GRIK3: variants seen among roughly 807,000 people sequenced by gnomAD.
The protein encoded by GRIK3 is glutamate receptor ionotropic, kainate 3.
In GRIK3, 29 loss-of-function variants were observed where a neutral mutation model predicts 102.5. That is an observed-to-expected ratio of 0.28 (90% CI 0.21 to 0.39). The LOEUF is 0.39. GRIK3 is among the 10% of genes least tolerant of loss of function. The pLI, the probability that GRIK3 is intolerant of heterozygous loss-of-function variation, is 1.00. For missense variants in GRIK3, 908 were observed against 1,252.4 expected, an observed-to-expected ratio of 0.73 and a Z score of 4.15; for synonymous variants, 511 against 504.9, an observed-to-expected ratio of 1.01 and a Z score of -0.16.
chr1:37,014,751 T>C (rs1241033258), intron 1 of GRIK3, among the ~76,000 whole-genome samples: 2 of 152,168 alleles, frequency 1.3e-5, no homozygotes, highest in Non-Finnish European at 2.9e-5. Flanking sequence ...ACACCTGCCA[T>C]TTTGACCGTG....
chr1:36,918,516 A>ACAT (rs1354266565), intron 1 of GRIK3, among the ~76,000 whole-genome samples: 1 of 151,610 alleles, frequency 6.6e-6, no homozygotes, highest in Non-Finnish European at 1.5e-5. Flanking sequence ...TGCTTTATGA[A>ACAT]CATCATCTGG....
intron 5 of GRIK3, among the ~76,000 whole-genome samples, chr1:36,866,892 C>T (rs1640790817): frequency 6.6e-6 from 1 of 152,242 alleles, no homozygotes; most frequent in Non-Finnish European, 1.5e-5. Flanking sequence ...TCCATCCAGA[C>T]ATTAATGAGC....
chr1:36,986,373 G>A (rs1029233004), intron 1 of GRIK3, among the ~76,000 whole-genome samples: 2 of 144,208 alleles, frequency 1.4e-5, no homozygotes, highest in African/African-American at 2.6e-5. Flanking sequence ...CCGTCAGTCC[G>A]CCCATCCATC....
At chr1:36,848,240 C>A (rs1640541649) in intron 9 of GRIK3, among the ~76,000 whole-genome samples, 1 of 152,220 alleles carries the variant, frequency 6.6e-6, no homozygotes. Flanking sequence ...TATTTTGTAT[C>A]CTTTTGGTAT....
intron 1 of GRIK3, among the ~76,000 whole-genome samples, chr1:36,940,137 A>C (rs1641703023): frequency 1.3e-5 from 2 of 152,246 alleles, no homozygotes; most frequent in Non-Finnish European, 2.9e-5. Context: ...ATAATTATAC[A>C]AGATACTGTG....
chr1:36,820,710 C>T (rs1642686910), intron 11 of GRIK3, among the ~76,000 whole-genome samples: 1 of 152,272 alleles, frequency 6.6e-6, no homozygotes, highest in Middle Eastern at 3.4e-3. Context: ...TAGATGAATA[C>T]AATCTGAAAG....
chr1:36,824,323 G>T (rs549298241), intron 11 of GRIK3, among the ~76,000 whole-genome samples: 1 of 152,322 alleles, frequency 6.6e-6, no homozygotes, highest in South Asian at 2.1e-4. Context: ...CTGGAGAGTG[G>T]CTCCTGGCTT....
rs4542183 is a variant in GRIK3, at chr1:36,981,396, T to A, written c.115+52598A>T. Among the ~76,000 whole-genome samples the A allele has an allele frequency of 3.6e-3, 542 of 152,226 alleles. 4 individuals are homozygous for A. Among genetic ancestry groups the A allele is most frequent in the African/African-American group, 0.012 (519 of 41,524 alleles). ...CCTGGTGACCAGAGAGAGGGGGCAG[T>A]GAGCCAGCCAGCCAAGGTCAGGGAT... is the stretch of plus-strand genomic sequence containing the variant. On this transcript the variant is annotated intron_variant, in intron 1 of 15. Coordinates refer to ENST00000373091, the MANE Select transcript of GRIK3 (RefSeq NM_000831.4).
intron 9 of GRIK3, among the ~76,000 whole-genome samples, chr1:36,846,846 G>A (rs1056751693): frequency 2.6e-5 from 4 of 152,198 alleles, no homozygotes; most frequent in Admixed American, 6.5e-5. Flanking sequence ...GCATGGGAGC[G>A]AGCATCTCTC....
chr1:36,958,268 T>C lies in GRIK3; in HGVS notation c.116-67172A>G, dbSNP rs570472257. Among the ~76,000 whole-genome samples the C allele has an allele frequency of 6.1e-4, 55 of 89,856 alleles. 2 individuals are homozygous for C. In the South Asian group the frequency reaches 0.026, roughly 43 times the overall value. The allele number at this position is 89,856 out of a possible 152,430, so 58.9% of individuals were successfully genotyped here. ...GTGTGTCCCATGACTCTGTGCCCCG[T>C]GAGTCTGTGTGCCCCATGACTCTGT... On this transcript the variant is annotated intron_variant, in intron 1 of 15. Transcript: ENST00000373091.
intron 1 of GRIK3, among the ~76,000 whole-genome samples, chr1:36,977,659 G>C (rs1435295515): frequency 1.3e-5 from 2 of 152,200 alleles, no homozygotes; most frequent in Non-Finnish European, 2.9e-5. Context: ...AGTTTTCTGG[G>C]ACCAGCTGGT....
chr1:36,965,136 C>A (rs1002134373), intron 1 of GRIK3, among the ~76,000 whole-genome samples: 1 of 152,126 alleles, frequency 6.6e-6, no homozygotes, highest in Non-Finnish European at 1.5e-5. Flanking sequence ...TGACTTTGGG[C>A]AAGTCACTTA....
Position 37,034,369 on chromosome 1 carries a change from G to A in GRIK3, c.-261C>T, listed in dbSNP as rs1233383207. On this transcript the variant is annotated 5_prime_UTR_variant, in exon 1 of 16. Transcript: ENST00000373091. ...CCTGGGCTCCGCCCGGACTCCGCTC[G>A]GACTCGGCTCCGGCTCCGACTCGCG... Among the ~76,000 whole-genome samples, 1 of 150,678 alleles carries A rather than the reference G, an allele frequency of 6.6e-6. No individual in the cohort carries two copies. The highest frequency in any genetic ancestry group is 1.5e-5 in the Non-Finnish European group (1 of 67,548).
At chr1:36,842,884 C>T (rs962635550) in intron 9 of GRIK3, among the ~76,000 whole-genome samples, 15 of 152,232 alleles carry the variant, frequency 9.9e-5, no homozygotes, top group East Asian at 3.9e-4. Context: ...CCCCAGAGTG[C>T]GAGTTCTGTG....
chr1:36,935,759 A>AGGTC (rs1350647487), intron 1 of GRIK3, among the ~76,000 whole-genome samples: 1 of 152,240 alleles, frequency 6.6e-6, no homozygotes, highest in Non-Finnish European at 1.5e-5. Context: ...CAGGAAATAA[A>AGGTC]GTAGGTGAAT....
intron 1 of GRIK3, among the ~76,000 whole-genome samples, chr1:36,940,354 C>T (rs1477386184): frequency 6.6e-6 from 1 of 152,188 alleles, no homozygotes; most frequent in Non-Finnish European, 1.5e-5. Context: ...ACTCTATCTG[C>T]CTTTGTCTCT....
rs149014195 is a variant in GRIK3 at position 36,853,823 on chromosome 1, C to T, written c.1105-101G>A. Reference sequence around the variant, plus strand: ...ATTTTAATTACTCCTTGCACTGATACTGTTCCCCCAAGACCATGATTAATT... The same window carrying T: ...ATTTTAATTACTCCTTGCACTGATATTGTTCCCCCAAGACCATGATTAATT... On this transcript the variant is annotated intron_variant, in intron 7 of 15. Transcript: ENST00000373091. The T allele has an allele frequency of 1.6e-4, 113 of 724,398 alleles. No individual in the cohort carries two copies. The Middle Eastern group carries it at 2.1e-3, about 14-fold the overall frequency. The allele number at this position is 724,398 out of a possible 1,614,324, so 44.9% of individuals were successfully genotyped here. A position where few individuals can be genotyped will look rare whatever the true frequency, so the allele number is the denominator to read the frequency against.
intron 1 of GRIK3, among the ~76,000 whole-genome samples, chr1:37,012,909 C>T (rs1642612982): frequency 6.6e-6 from 1 of 152,160 alleles, no homozygotes; most frequent in Non-Finnish European, 1.5e-5. Flanking sequence ...AAGAGAATTC[C>T]ACTACTGCAG....
In GRIK3 at chr1:36,990,307, G is replaced by A. The variant is rs146837583; in HGVS notation, c.115+43687C>T. On this transcript the variant is annotated intron_variant, in intron 1 of 15. Coordinates refer to ENST00000373091, the MANE Select transcript of GRIK3 (RefSeq NM_000831.4). ...GACACCATCCTGCTGTATCCGCTGA[G>A]CTAGGCTGTCCCTGCATAGACATGT... 9.4e-3 allele frequency among the ~76,000 whole-genome samples: 1,432 copies of A among 152,310 alleles called. 11 individuals carry two copies. Among genetic ancestry groups the A allele is most frequent in the Admixed American group, 0.018 (274 of 15,298 alleles).
Sources: allele counts gnomAD v4.1 joint callset (sites outside exome capture counted in the v4.1 genomes callset), GRCh38; gene constraint gnomAD v4.1.1; transcripts MANE v1.5; gene names NCBI Gene and HGNC (gene_info 2026-07-23, HGNC 2026-07-21).